ADARB2: variants seen among roughly 807,000 people sequenced by gnomAD.
ADARB2 encodes adenosine deaminase RNA specific B2 (inactive), also known as inactive double-stranded RNA-specific editase B2.
Under a neutral mutation model 62.2 loss-of-function variants are expected in ADARB2, and 25 were observed. That is an observed-to-expected ratio of 0.40 (90% CI 0.29 to 0.56). The LOEUF (loss-of-function observed/expected upper bound fraction) is 0.56, where lower values mean the gene tolerates loss of function less well. Among genes scored for constraint, ADARB2 ranks in the 20% least tolerant of loss-of-function variants. The pLI is 0.43. For missense variants in ADARB2, 1,071 were observed against 1,077.4 expected (o/e 0.99, Z 0.08); for synonymous variants, 572 against 500.8 (o/e 1.14, Z -1.90).
intron 1 of ADARB2, among the ~76,000 whole-genome samples, chr10:1,701,031 A>G (rs1393863161): frequency 2.9e-4 from 1 of 3,400 alleles, no homozygotes; most frequent in African/African-American, 3.4e-4. Flanking sequence ...CCACTCCACC[A>G]GGAGACCAGG....
chr10:1,430,840 G>A (rs1830770811), intron 1 of ADARB2, among the ~76,000 whole-genome samples: 1 of 152,160 alleles, frequency 6.6e-6, no homozygotes, highest in African/African-American at 2.4e-5. Flanking sequence ...AATGATAAAA[G>A]GATCAATCCA....
At chr10:1,582,913 G>A (rs4880879) in intron 1 of ADARB2, among the ~76,000 whole-genome samples, 28,481 of 152,160 alleles carry the variant, frequency 0.19, 3,141 homozygotes, top group East Asian at 0.41. Context: ...TCTGATGAGC[G>A]TGTTAATGAC....
chr10:1,211,782 C>G (rs565510430), intron 7 of ADARB2, among the ~76,000 whole-genome samples: 1 of 152,272 alleles, frequency 6.6e-6, no homozygotes, highest in South Asian at 2.1e-4. Flanking sequence ...GGTATTTCCA[C>G]CACACAGATA....
chr10:1,392,514 C>A (rs1342682960), intron 1 of ADARB2, among the ~76,000 whole-genome samples: 1 of 151,884 alleles, frequency 6.6e-6, no homozygotes, highest in Non-Finnish European at 1.5e-5. Flanking sequence ...AGGTGGAATG[C>A]CCTGAGAAGC....
At chr10:1,714,792 A>G (rs1271371911) in intron 1 of ADARB2, among the ~76,000 whole-genome samples, 1 of 152,214 alleles carries the variant, frequency 6.6e-6, no homozygotes, top group Admixed American at 6.5e-5. Flanking sequence ...CTCACTGGAC[A>G]GCCCATTGGA....
chr10:1,507,786 T>C (rs1831871097), intron 1 of ADARB2, among the ~76,000 whole-genome samples: 1 of 152,152 alleles, frequency 6.6e-6, no homozygotes, highest in Non-Finnish European at 1.5e-5. Context: ...CATACGCAGC[T>C]TTCCTGGCAC....
chr10:1,569,166 T>G (rs1832902520), intron 1 of ADARB2, among the ~76,000 whole-genome samples: 2 of 146,952 alleles, frequency 1.4e-5, no homozygotes, highest in Non-Finnish European at 1.5e-5. Context: ...GACAGAGATA[T>G]ATAAGGAGAG....
At chr10:1,274,207 G>A (rs1316736116) in intron 3 of ADARB2, among the ~76,000 whole-genome samples, 2 of 152,248 alleles carry the variant, frequency 1.3e-5, no homozygotes, top group Non-Finnish European at 2.9e-5. Context: ...CTGCACAGGC[G>A]TCCTGGACTC....
intron 1 of ADARB2, among the ~76,000 whole-genome samples, chr10:1,599,814 C>T (rs1164756600): frequency 6.6e-6 from 1 of 152,148 alleles, no homozygotes; most frequent in Non-Finnish European, 1.5e-5. Context: ...GGTGCTATCA[C>T]AGCTCACTGG....
Position 1,242,124 on chromosome 10 carries a change from C to T in ADARB2, c.1361+7G>A, listed in dbSNP as rs371194091. 2.9e-5 allele frequency: 46 copies of T among 1,595,132 alleles called. 1 individual carries two copies. The highest frequency in any genetic ancestry group is 1.1e-4 in the African/African-American group (8 of 74,690). ...GCCTTCCCTGGAGCCCGTCCCCAGC[C>T]GCTCACCTCAGGTGCAGCTCCAGCT... On this transcript the variant is annotated splice_region_variant and intron_variant, in intron 5 of 9. Coordinates refer to ENST00000381312, the MANE Select transcript of ADARB2 (RefSeq NM_018702.4).
At chr10:1,347,256 G>A (rs1270527720) in intron 3 of ADARB2, among the ~76,000 whole-genome samples, 1 of 152,186 alleles carries the variant, frequency 6.6e-6, no homozygotes, top group Non-Finnish European at 1.5e-5. Flanking sequence ...TGATCATAAA[G>A]TTGCAGTGAG....
chr10:1,381,703 T>C (rs1436325443), intron 1 of ADARB2, among the ~76,000 whole-genome samples: 1 of 152,200 alleles, frequency 6.6e-6, no homozygotes, highest in Non-Finnish European at 1.5e-5. Flanking sequence ...TGCATGAAAC[T>C]GGAGGACCTC....
At chr10:1,682,838 C>G (rs374672719) in intron 1 of ADARB2, among the ~76,000 whole-genome samples, 2 of 152,178 alleles carry the variant, frequency 1.3e-5, no homozygotes, top group African/African-American at 4.8e-5. Flanking sequence ...CGGCCAGGGG[C>G]AGATGGGTTC....
At chr10:1,526,198 G>A (rs1832139358) in intron 1 of ADARB2, among the ~76,000 whole-genome samples, 1 of 152,020 alleles carries the variant, frequency 6.6e-6, no homozygotes, top group East Asian at 1.9e-4. Flanking sequence ...TGGGAAGTTG[G>A]AGAGATGGCC....
chr10:1,390,270 G>A (rs1250349326), intron 1 of ADARB2, among the ~76,000 whole-genome samples: 1 of 152,198 alleles, frequency 6.6e-6, no homozygotes, highest in Non-Finnish European at 1.5e-5. Context: ...GCACTCCGTG[G>A]AGAAAGCAGA....
chr10:1,602,340 C>T (rs1324497406), intron 1 of ADARB2, among the ~76,000 whole-genome samples: 3 of 152,162 alleles, frequency 2.0e-5, no homozygotes, highest in African/African-American at 4.8e-5. Flanking sequence ...CTTTTGAGCG[C>T]GTTGTGTTTT....
chr10:1,583,190 T>C (rs555204208), intron 1 of ADARB2, among the ~76,000 whole-genome samples: 644 of 58,066 alleles, frequency 0.011, 2 homozygotes, highest in African/African-American at 0.035. Flanking sequence ...CATTTCAATA[T>C]GCAGTGTTCA....
intron 1 of ADARB2, among the ~76,000 whole-genome samples, chr10:1,403,784 C>T (rs1165104027): frequency 3.9e-5 from 6 of 152,190 alleles, no homozygotes; most frequent in South Asian, 2.1e-4. Context: ...ATTGGAGGCA[C>T]GTCCCTCCCA....
At chr10:1,651,263 A>G (rs1250395837) in intron 1 of ADARB2, among the ~76,000 whole-genome samples, 2 of 152,248 alleles carry the variant, frequency 1.3e-5, no homozygotes, top group Non-Finnish European at 2.9e-5. Flanking sequence ...CTGTGCTTAA[A>G]TAAACAGCTC....
Sources: allele counts gnomAD v4.1 joint callset (sites outside exome capture counted in the v4.1 genomes callset), GRCh38; gene constraint gnomAD v4.1.1; transcripts MANE v1.5; gene names NCBI Gene and HGNC (gene_info 2026-07-23, HGNC 2026-07-21).